GABRR2: variants seen among roughly 807,000 people sequenced by gnomAD.
The protein encoded by GABRR2 is gamma-aminobutyric acid type A receptor subunit rho2, also known as gamma-aminobutyric acid receptor subunit rho-2.
GABRR2 carries 36 observed loss-of-function variants against 47.0 expected under a neutral mutation model. The observed-to-expected ratio is 0.77, with a 90% CI of 0.59 to 1.01. The LOEUF (loss-of-function observed/expected upper bound fraction) is 1.01, where lower values mean the gene tolerates loss of function less well. GABRR2 is among the 50% of genes least tolerant of loss of function. The pLI is 0.00. For missense variants in GABRR2, 587 were observed against 594.6 expected (o/e 0.99, Z 0.13); for synonymous variants, 204 against 227.5 (o/e 0.90, Z 0.93).
rs990484317 is a variant in GABRR2, at chr6:89,269,027, C to T, written c.496G>A (p.Val166Met). 4.3e-6 allele frequency: 7 copies of T among 1,613,814 alleles called. No homozygotes were observed. The highest frequency in any genetic ancestry group is 1.6e-4 in the Middle Eastern group (1 of 6,062). ...IMLRVFPDGH[V>M]LYSMRITVTA... ...GACAGCTACCTCATGCTGTACAGCA[C>T]GTGTCCATCTGGGAACACCCTCAGC... Residue 166 changes from valine to methionine, a missense_variant, in exon 4 of 9, where the codon GTG becomes ATG. Val to Met is a conservative substitution (Grantham distance 21, BLOSUM62 1). Coordinates refer to ENST00000402938, the MANE Select transcript of GABRR2 (RefSeq NM_002043.5).
At chr6:89,297,890 G>C (rs890966918) in intron 2 of GABRR2, among the ~76,000 whole-genome samples, 5 of 152,118 alleles carry the variant, frequency 3.3e-5, no homozygotes, top group African/African-American at 1.2e-4. Context: ...TGTTATTGTT[G>C]GTTATTGTGT....
Position 89,257,919 on chromosome 6 carries a change from C to A in GABRR2, c.1149G>T (p.Glu383Asp). The A allele has an allele frequency of 1.2e-6, 2 of 1,614,070 alleles. No individual in the cohort carries two copies. Among genetic ancestry groups the A allele is most frequent in the Non-Finnish European group, 1.7e-6 (2 of 1,179,898 alleles). Residue 383 changes from glutamate (E) to aspartate (D), a missense_variant, in exon 9 of 9, where the codon GAG becomes GAT. By Grantham distance (45) the Glu-to-Asp change is conservative. Coordinates refer to ENST00000402938, the MANE Select transcript of GABRR2 (RefSeq NM_002043.5). ...ACCCAGCCAGGCTGTTGGCCTCAGA[C>A]TCACTGTAGCTTCCATCCAGCATCA... ...KTMMLDGSYSESEANSLAGYP... is the reference protein window; with the variant it reads ...KTMMLDGSYSDSEANSLAGYP...
rs1773620667 is a variant in GABRR2, at chr6:89,257,236, G to T, written c.*434C>A. The T allele has an allele frequency of 6.0e-6, 1 of 167,470 alleles. No individual in the cohort carries two copies. The highest frequency in any genetic ancestry group is 1.3e-5 in the Non-Finnish European group (1 of 76,444). 10.4% of individuals were successfully genotyped at this position (167,470 alleles called of 1,614,324 possible). ...GTAGGCACTTAATCAAGTTCAATGG[G>T]TTTACAGGGTGTTTTTTGTTCTTAA... is the stretch of plus-strand genomic sequence containing the variant. On this transcript the variant is annotated 3_prime_UTR_variant, in exon 9 of 9. Coordinates refer to ENST00000402938, the MANE Select transcript of GABRR2 (RefSeq NM_002043.5).
intron 1 of GABRR2, among the ~76,000 whole-genome samples, chr6:89,313,547 G>A (rs1027865730): frequency 2.0e-5 from 3 of 152,148 alleles, no homozygotes; most frequent in South Asian, 2.1e-4. Context: ...AACCCAACCC[G>A]CATGGGTTGT....
intron 1 of GABRR2, among the ~76,000 whole-genome samples, chr6:89,310,702 T>C (rs1368839469): frequency 2.8e-5 from 4 of 143,126 alleles, no homozygotes; most frequent in African/African-American, 5.3e-5. Context: ...TGAAGTGGCG[T>C]AGGTTGAAGA....
At chr6:89,306,857 A>G (rs1442524422) in intron 1 of GABRR2, among the ~76,000 whole-genome samples, 1 of 152,168 alleles carries the variant, frequency 6.6e-6, no homozygotes, top group Non-Finnish European at 1.5e-5. Flanking sequence ...AAAAAGGAAA[A>G]AGGAGGAAGA....
intron 6 of GABRR2, 103 bp downstream of exon 6, chr6:89,267,576 A>G: frequency 1.2e-5 from 15 of 1,224,810 alleles, no homozygotes; most frequent in Non-Finnish European, 1.7e-5. Flanking sequence ...CAAAACAAAA[A>G]ACAAAACACA....
At chr6:89,295,305 G>T (rs1774535020) in intron 2 of GABRR2, among the ~76,000 whole-genome samples, 1 of 152,196 alleles carries the variant, frequency 6.6e-6, no homozygotes. Context: ...AGCACCTGTT[G>T]TTTCCTGACT....
rs567757125 is a variant in GABRR2 at position 89,254,835 on chromosome 6, G to A, written c.*2835C>T. On this transcript the variant is annotated 3_prime_UTR_variant, in exon 9 of 9. Transcript: ENST00000402938. Reference sequence around the variant, plus strand: ...GTGTCAGACTAGTATACTGTAATAAGGCAATGCTAAATACAATGGTGTCAT... The same window carrying A: ...GTGTCAGACTAGTATACTGTAATAAAGCAATGCTAAATACAATGGTGTCAT... 2.6e-5 allele frequency among the ~76,000 whole-genome samples: 4 copies of A among 152,172 alleles called. No individual in the cohort carries two copies. In the East Asian group the frequency reaches 7.7e-4, roughly 29 times the overall value.
At chr6:89,267,060 C>T (rs78377936) in intron 6 of GABRR2, among the ~76,000 whole-genome samples, 12,962 of 143,230 alleles carry the variant, frequency 0.09, 723 homozygotes, top group Non-Finnish European at 0.12. Flanking sequence ...AGTGCAGTGG[C>T]GCAATCTCAG....
chr6:89,283,459 A>G (rs1774285227), intron 2 of GABRR2, among the ~76,000 whole-genome samples: 1 of 152,220 alleles, frequency 6.6e-6, no homozygotes, highest in African/African-American at 2.4e-5. Context: ...TAAAAATATG[A>G]AGAAGTTGTA....
chr6:89,273,822 G>A (rs1264192106), intron 2 of GABRR2, among the ~76,000 whole-genome samples: 1 of 152,142 alleles, frequency 6.6e-6, no homozygotes, highest in African/African-American at 2.4e-5. Context: ...TAAATTCTGG[G>A]GTAGCACAGC....
At chr6:89,294,787 C>A in intron 2 of GABRR2, among the ~76,000 whole-genome samples, 1 of 111,360 alleles carries the variant, frequency 9.0e-6, no homozygotes, top group South Asian at 3.9e-4. Context: ...CTATCCCTCC[C>A]CCCTCCCCCC....
At position 89,303,620 on chromosome 6, in the gene GABRR2, C is replaced by A. The variant is rs777512060; in HGVS notation, c.114-3755G>T. 2.0e-5 allele frequency among the ~76,000 whole-genome samples: 3 copies of A among 147,538 alleles called. No homozygotes were observed. In the East Asian group the frequency reaches 5.9e-4, roughly 29 times the overall value. On this transcript the variant is annotated intron_variant, in intron 1 of 8. Transcript: ENST00000402938. ...ATTCATCTGGAATCAAAAAAAGACCCCAAATAGCCAAAGCAATCTTAAGGA... is the reference window on the plus strand; with the variant it reads ...ATTCATCTGGAATCAAAAAAAGACCACAAATAGCCAAAGCAATCTTAAGGA...
At chr6:89,296,546 G>A (rs745331509) in intron 2 of GABRR2, among the ~76,000 whole-genome samples, 3 of 152,204 alleles carry the variant, frequency 2.0e-5, no homozygotes, top group African/African-American at 7.2e-5. Flanking sequence ...TGACTTCTAT[G>A]GAAGGTGATG....
intron 2 of GABRR2, among the ~76,000 whole-genome samples, chr6:89,282,721 G>A (rs1293112104): frequency 6.6e-6 from 1 of 152,226 alleles, no homozygotes; most frequent in Non-Finnish European, 1.5e-5. Flanking sequence ...CCCACCACCA[G>A]GCCCACAGAG....
chr6:89,268,022 A>C lies in GABRR2; in HGVS notation c.587T>G (p.Leu196Arg), dbSNP rs774667607. 6.2e-7 allele frequency: 1 copy of C among 1,611,200 alleles called. No homozygotes were observed. Among genetic ancestry groups the C allele is most frequent in the African/African-American group, 1.3e-5 (1 of 74,904 alleles). The part of the protein sequence containing the change: ...PLDSQTCSLE[L>R]ESYAYTDEDL... ...GGAATGCTGATACTTACAGCTCTCC[A>C]GCTCCAAAGAACAGGTCTGGGAGTC... is the stretch of plus-strand genomic sequence containing the variant. Residue 196 changes from leucine to arginine, a missense_variant, in exon 5 of 9, where the codon CTG becomes CGG. Physicochemically the swap from Leu to Arg is moderately radical, Grantham distance 102 (BLOSUM62 -2). Coordinates refer to ENST00000402938, the MANE Select transcript of GABRR2 (RefSeq NM_002043.5).
intron 8 of GABRR2, among the ~76,000 whole-genome samples, chr6:89,258,485 C>T (rs539486234): frequency 4.0e-5 from 6 of 149,398 alleles, no homozygotes; most frequent in African/African-American, 7.4e-5. Flanking sequence ...GCAGGAGGAT[C>T]GCTTGAGGCC....
At chr6:89,282,884 C>T (rs1774273575) in intron 2 of GABRR2, among the ~76,000 whole-genome samples, 1 of 152,242 alleles carries the variant, frequency 6.6e-6, no homozygotes, top group African/African-American at 2.4e-5. Flanking sequence ...TCCCACGATA[C>T]TGTGCAGCTC....
Sources: gnomAD v4.1 joint callset for allele counts (sites outside exome capture counted in the v4.1 genomes callset) on GRCh38, gnomAD v4.1.1 for gene constraint, MANE v1.5 for transcripts, NCBI Gene and HGNC (gene_info 2026-07-23, HGNC 2026-07-21) for gene names.